ZNF91: variants seen among roughly 807,000 people sequenced by gnomAD.
ZNF91 encodes zinc finger protein 91 (HPF7, HTF10).
Under a neutral mutation model 12.6 loss-of-function variants are expected in ZNF91, and 7 were observed. The observed-to-expected ratio is 0.55, with a 90% CI of 0.31 to 1.04. The LOEUF is 1.04. Ranked by LOEUF, ZNF91 falls within the 50% of genes least tolerant of loss-of-function variation. The pLI is 0.05. For synonymous variants in ZNF91, 453 were observed against 462.6 expected (o/e 0.98, Z 0.27); for missense variants, 1,217 against 1,385.4 (o/e 0.88, Z 1.93).
chr19:23,389,933 C>T (rs1465664404), intron 1 of ZNF91, among the ~76,000 whole-genome samples: 3 of 152,122 alleles, frequency 2.0e-5, no homozygotes, highest in Non-Finnish European at 4.4e-5. Context: ...ACTGGGGACT[C>T]CCATAATGTT....
chr19:23,362,855 C>A, intron 3 of ZNF91, 130 bp from the exon 4 acceptor site: 4 of 1,220,444 alleles, frequency 3.3e-6, no homozygotes, highest in Non-Finnish European at 4.1e-6. Context: ...TACCACAGGC[C>A]CTAATTCTAT....
chr19:23,348,671 C>A (rs986679074), intron 3 of ZNF91, among the ~76,000 whole-genome samples: 1 of 152,088 alleles, frequency 6.6e-6, no homozygotes, highest in Non-Finnish European at 1.5e-5. Context: ...TCAGGGCACC[C>A]TGAAAAAGAA....
chr19:23,324,901 C>T (rs892465114), intron 1 of ZNF91: 5 of 151,950 alleles, frequency 3.3e-5, no homozygotes, highest in East Asian at 2.0e-4. Flanking sequence ...TTTCATAGAG[C>T]GCTGTTTCTT....
At chr19:23,310,867 T>C (rs1967459056), upstream of ZNF91, among the ~76,000 whole-genome samples, 1 of 152,216 alleles carries the variant, frequency 6.6e-6, no homozygotes, top group Non-Finnish European at 1.5e-5. Context: ...ATGTCACTTT[T>C]TTGCCTTAGC....
chr19:23,380,578 C>T (rs1969676333), intron 1 of ZNF91: 1 of 151,582 alleles, frequency 6.6e-6, no homozygotes, highest in Non-Finnish European at 1.5e-5. Flanking sequence ...GCTCTCATTC[C>T]GAGAAAGATT....
upstream of ZNF91, among the ~76,000 whole-genome samples, chr19:23,311,858 C>G: frequency 6.8e-6 from 1 of 147,310 alleles, no homozygotes; most frequent in Non-Finnish European, 1.5e-5. Context: ...GTCTTTTGTT[C>G]ATCACTAGGT....
intron 1 of ZNF91, among the ~76,000 whole-genome samples, chr19:23,320,738 G>C (rs572767025): frequency 2.8e-4 from 43 of 152,342 alleles, no homozygotes; most frequent in African/African-American, 1.0e-3. Context: ...GGGTGGTACA[G>C]AGAGTGTACT....
chr19:23,360,819 G>C lies in ZNF91; in HGVS notation c.2160C>G (p.Gly720=). The C allele has an allele frequency of 2.5e-6, 4 of 1,613,368 alleles. No individual in the cohort carries two copies. The South Asian group carries it at 4.4e-5, about 18-fold the overall frequency. ...GEKLYKCEEC[G]KAFNRSSNLT... ...GATTTGAAGATCGATTAAAAGCTTT[G>C]CCACATTCTTCACATTTGTAGAGTT... is the stretch of plus-strand genomic sequence containing the variant. The change falls in exon 4 of 4, where the codon GGC becomes GGG. Residue 720 remains glycine, a synonymous_variant. Coordinates refer to ENST00000300619, the MANE Select transcript of ZNF91 (RefSeq NM_003430.4).
At chr19:23,329,807 G>A (rs1285827560) in intron 1 of ZNF91, among the ~76,000 whole-genome samples, 1 of 152,164 alleles carries the variant, frequency 6.6e-6, no homozygotes, top group African/African-American at 2.4e-5. Context: ...GTACATGCTA[G>A]AAGCTGGAGT....
chr19:23,362,717 G>T lies in ZNF91; in HGVS notation c.262C>A (p.Pro88Thr). The part of the protein sequence containing the change: ...EMVDEPTGIC[P>T]HFPQDFWPEQ... ...GGCCAAAAGTCTTGAGGAAAATGAG[G>T]ACATATACCTGAAAAAAAAAAACTA... Residue 88 changes from proline to threonine, a missense_variant, in exon 4 of 4, where the codon CCT (proline) becomes ACT (threonine). Pro to Thr is a conservative substitution (Grantham distance 38). Coordinates refer to ENST00000300619, the MANE Select transcript of ZNF91 (RefSeq NM_003430.4). 1 of 1,444,388 alleles carries T rather than the reference G, an allele frequency of 6.9e-7. No individual in the cohort carries two copies. 89.5% of individuals were successfully genotyped at this position (1,444,388 alleles called of 1,614,324 possible). A position where few individuals can be genotyped will look rare whatever the true frequency, so the allele number is the denominator to read the frequency against.
rs1163286896 is a variant in ZNF91, at chr19:23,360,022, A to T, written c.2957T>A (p.Ile986Lys). Residue 986 changes from isoleucine to lysine, a missense_variant, in exon 4 of 4, where the codon ATA (isoleucine) becomes AAA (lysine). By Grantham distance (102) the Ile-to-Lys change is moderately radical. This residue lies in a region of ZNF91 where 491 missense variants were observed against 489.8 expected (regional missense o/e 1.00). Transcript: ENST00000300619. The stretch of plus-strand genomic sequence containing the variant: ...GTAGGGTTTCTCTCCAGTATGAATT[A>T]TCTTATGTTCAGTAAGAGTTGAAGA... ...RKSSTLTEHK[I>K]IHTGEKPYKC... is the part of the protein sequence containing the mutation. 5.0e-6 allele frequency: 8 copies of T among 1,602,770 alleles called. No individual in the cohort carries two copies. Among genetic ancestry groups the T allele is most frequent in the Admixed American group, 1.7e-5 (1 of 59,084 alleles).
chr19:23,353,631 AC>A (rs1968419062), downstream of ZNF91, among the ~76,000 whole-genome samples: 1 of 138,812 alleles, frequency 7.2e-6, no homozygotes, highest in East Asian at 2.2e-4. Flanking sequence ...TAAAATTCAA[AC>A]AAAAAAATAC....
chr19:23,325,742 A>T (rs1292518167), intron 1 of ZNF91: 2 of 151,998 alleles, frequency 1.3e-5, no homozygotes, highest in Non-Finnish European at 2.9e-5. Context: ...CTGTTTAATC[A>T]CTTCTGACCT....
chr19:23,373,025 A>C (rs1176729674), intron 3 of ZNF91, among the ~76,000 whole-genome samples: 1 of 152,178 alleles, frequency 6.6e-6, no homozygotes, highest in Non-Finnish European at 1.5e-5. Context: ...ACACAACTAA[A>C]GGTGGACCCT....
downstream of ZNF91, among the ~76,000 whole-genome samples, chr19:23,357,173 G>A (rs901316670): frequency 6.6e-6 from 1 of 152,174 alleles, no homozygotes; most frequent in African/African-American, 2.4e-5. Flanking sequence ...GTTGCAGTGA[G>A]CCCAGATTGC....
intron 1 of ZNF91, among the ~76,000 whole-genome samples, chr19:23,323,746 CTCTTTT>C (rs1050901901): frequency 6.6e-5 from 7 of 105,936 alleles, no homozygotes; most frequent in African/African-American, 1.1e-4. Context: ...TTCTCCTCTC[CTCTTTT>C]TCTCATTCTT....
chr19:23,394,778 A>C (rs1970177445), intron 1 of ZNF91, among the ~76,000 whole-genome samples: 1 of 152,166 alleles, frequency 6.6e-6, no homozygotes, highest in Non-Finnish European at 1.5e-5. Flanking sequence ...CAAATTACTG[A>C]ATTTGGTTTT....
In ZNF91 at chr19:23,359,610, T is replaced by G. The variant is rs775192302; in HGVS notation, c.3369A>C (p.Lys1123Asn). The change falls in exon 4 of 4, where the codon AAA becomes AAC. Residue 1123 changes from lysine to asparagine, a missense_variant. Transcript: ENST00000300619. Reference sequence around the variant, plus strand: ...TCTCTCCAGTGTGAATTATCTTATGTTTAGTAAGAGCTGAGGACTCTTTAA... The same window carrying G: ...TCTCTCCAGTGTGAATTATCTTATGGTTAGTAAGAGCTGAGGACTCTTTAA... Reference protein sequence around the residue: ...KAFKESSALTKHKIIHTGEKP... With the variant: ...KAFKESSALTNHKIIHTGEKP... The G allele has an allele frequency of 1.9e-6, 3 of 1,614,018 alleles. No individual in the cohort carries two copies.
At chr19:23,317,532 T>C (rs1243434524) in intron 1 of ZNF91, among the ~76,000 whole-genome samples, 4 of 152,148 alleles carry the variant, frequency 2.6e-5, no homozygotes, top group Admixed American at 2.6e-4. Flanking sequence ...GGTGCTACAA[T>C]GAGTTTCCTG....
Sources: gnomAD v4.1 joint callset for allele counts (sites outside exome capture counted in the v4.1 genomes callset) on GRCh38, gnomAD v4.1.1 for gene constraint, gnomAD v4.1.1 regional missense constraint, MANE v1.5 for transcripts, NCBI Gene and HGNC (gene_info 2026-07-23, HGNC 2026-07-21) for gene names.